Variants in NIBAN2 observed in about 807,000 individuals in gnomAD.
NIBAN2 encodes the protein protein Niban 2.
In NIBAN2, 36 loss-of-function variants were observed where a neutral mutation model predicts 81.8. That is an observed-to-expected ratio of 0.44 (90% confidence interval 0.34 to 0.58). The LOEUF is 0.58. Ranked by LOEUF, NIBAN2 falls within the 20% of genes least tolerant of loss-of-function variation. The pLI is 0.02. For synonymous variants in NIBAN2, 445 were observed against 441.6 expected, an observed-to-expected ratio of 1.01 and a Z score of -0.10; for missense variants, 897 against 1,014.1, an observed-to-expected ratio of 0.88 and a Z score of 1.57.
At chr9:127,516,784 A>G in intron 8 of NIBAN2, 73 bp downstream of exon 8, 9 of 1,448,188 alleles carry the variant, frequency 6.2e-6, no homozygotes, top group Non-Finnish European at 8.5e-6. Flanking sequence ...TGAAATTTAC[A>G]TGAATCATGA....
At chr9:127,525,246 T>C (rs1837040887) in intron 3 of NIBAN2, 83 bp from the exon 4 acceptor site, 1 of 989,680 alleles carries the variant, frequency 1.0e-6, no homozygotes, top group Non-Finnish European at 1.6e-6. Flanking sequence ...CCCTACTCAG[T>C]GTGGCCCAAA....
At chr9:127,531,624 C>A (rs772516414) in intron 2 of NIBAN2, 24 bp downstream of exon 2, 1 of 1,607,956 alleles carries the variant, frequency 6.2e-7, no homozygotes. Flanking sequence ...CAGAACATAC[C>A]CGAGCCCTCC....
chr9:127,542,471 C>T (rs909099596), intron 1 of NIBAN2, among the ~76,000 whole-genome samples: 4 of 152,224 alleles, frequency 2.6e-5, no homozygotes, highest in South Asian at 2.1e-4. Context: ...AAGTGCCAAT[C>T]TCAGGCCAGA....
chr9:127,519,026 T>C (rs1462671467), intron 5 of NIBAN2, among the ~76,000 whole-genome samples: 9 of 151,702 alleles, frequency 5.9e-5, no homozygotes, highest in Admixed American at 5.3e-4. Context: ...AATACAAAAA[T>C]TAGCTGGGCA....
Position 127,506,410 on chromosome 9 carries a change from A to T in NIBAN2, c.*435T>A, listed in dbSNP as rs1474845184. ...GAAGGAGCAGGGCCAGGAGGGCAGC[A>T]GTGCTCCCTCTCCCGGTCCTGGCCC... On this transcript the variant is annotated 3_prime_UTR_variant, in exon 14 of 14. Coordinates refer to ENST00000373312, the MANE Select transcript of NIBAN2 (RefSeq NM_022833.4). 1 of 157,542 alleles carries T rather than the reference A, an allele frequency of 6.3e-6. No individual in the cohort carries two copies. The highest frequency in any genetic ancestry group is 1.4e-5 in the Non-Finnish European group (1 of 71,896). 9.8% of individuals were successfully genotyped at this position (157,542 alleles called of 1,614,324 possible).
In NIBAN2 at chr9:127,533,839, A is replaced by G. The variant is rs939783594; in HGVS notation, c.56-2061T>C. 3.9e-5 allele frequency among the ~76,000 whole-genome samples: 6 copies of G among 152,244 alleles called. No homozygotes were observed. In the South Asian group the frequency reaches 1.2e-3, roughly 31 times the overall value. ...TTATTTTATAATCATGATTCCTTTC[A>G]TAATAAAAAATAAACATTCTAAAAT... On this transcript the variant is annotated intron_variant, in intron 1 of 13. Coordinates refer to ENST00000373312, the MANE Select transcript of NIBAN2 (RefSeq NM_022833.4).
upstream of NIBAN2, among the ~76,000 whole-genome samples, chr9:127,570,628 G>A (rs1837936155): frequency 6.6e-6 from 1 of 152,240 alleles, no homozygotes; most frequent in Non-Finnish European, 1.5e-5. Context: ...GCTTGAGGAA[G>A]GAGCAGAACA....
Position 127,525,076 on chromosome 9 carries a change from T to C in NIBAN2, c.403A>G (p.Ile135Val). The stretch of plus-strand genomic sequence containing the variant: ...CCTTTACCTGGTAAGGAGTTGCCAA[T>C]GAGCTCCAGGTATTGGTCCACGGAC... The part of the protein sequence containing the change: ...LTSVDQYLEL[I>V]GNSLPGTTAK... Residue 135 changes from isoleucine (I) to valine (V), a missense_variant, in exon 4 of 14, where the codon ATT becomes GTT. Physicochemically the swap from Ile to Val is conservative, Grantham distance 29 (BLOSUM62 3). Coordinates refer to ENST00000373312, the MANE Select transcript of NIBAN2 (RefSeq NM_022833.4). 1 of 1,613,906 alleles carries C rather than the reference T, an allele frequency of 6.2e-7. No individual in the cohort carries two copies. Among genetic ancestry groups the C allele is most frequent in the Non-Finnish European group, 8.5e-7 (1 of 1,179,776 alleles).
chr9:127,515,656 G>A (rs1025787812), intron 8 of NIBAN2, among the ~76,000 whole-genome samples: 2 of 151,960 alleles, frequency 1.3e-5, no homozygotes, highest in Non-Finnish European at 2.9e-5. Context: ...GGCCAACATG[G>A]CAAAACCCTG....
In NIBAN2 at chr9:127,566,582, T is replaced by C. The variant is rs898972893; in HGVS notation, c.55+2238A>G. 2.4e-4 allele frequency among the ~76,000 whole-genome samples: 36 copies of C among 152,244 alleles called. 1 individual carries two copies. The highest frequency in any genetic ancestry group is 4.9e-4 in the Non-Finnish European group (33 of 67,992). ...GGCTGGCATTCACCTGCTCACCTGC[T>C]TGGGGCGGGCACAAAGCTGCAGGTC... is the stretch of plus-strand genomic sequence containing the variant. On this transcript the variant is annotated intron_variant, in intron 1 of 13. Coordinates refer to ENST00000373312, the MANE Select transcript of NIBAN2 (RefSeq NM_022833.4).
chr9:127,540,036 G>A (rs1227015173), intron 1 of NIBAN2, among the ~76,000 whole-genome samples: 1 of 152,194 alleles, frequency 6.6e-6, no homozygotes, highest in East Asian at 1.9e-4. Context: ...TCACCAATGG[G>A]GGCTCCTAAG....
upstream of NIBAN2, among the ~76,000 whole-genome samples, chr9:127,572,209 TCA>T (rs903564777): frequency 9.9e-5 from 15 of 152,242 alleles, no homozygotes; most frequent in African/African-American, 3.6e-4. Flanking sequence ...AGATGGGATC[TCA>T]CCATGCTGCC....
intron 2 of NIBAN2, among the ~76,000 whole-genome samples, chr9:127,528,329 T>C (rs1837115957): frequency 6.6e-6 from 1 of 152,196 alleles, no homozygotes; most frequent in Non-Finnish European, 1.5e-5. Context: ...GGAAGAGGCT[T>C]CGTCTTGGAT....
Position 127,508,246 on chromosome 9 carries a change from A to G in NIBAN2, c.1435-46T>C, listed in dbSNP as rs1435971105. ...GGGGGTCTGCAGGTCAGTGGGCTCC[A>G]TTGGCCCTGAGGGTAGGACGAGGCC... On this transcript the variant is annotated intron_variant, in intron 11 of 13. Transcript: ENST00000373312. The surrounding 1 kb of genome is among the most constrained non-coding windows in gnomAD (Gnocchi z 6.4). 6.6e-7 allele frequency: 1 copy of G among 1,519,070 alleles called. No homozygotes were observed. The highest frequency in any genetic ancestry group is 9.1e-7 in the Non-Finnish European group (1 of 1,097,988). The allele number at this position is 1,519,070 out of a possible 1,614,324, so 94.1% of individuals were successfully genotyped here. A position where few individuals can be genotyped will look rare whatever the true frequency, so the allele number is the denominator to read the frequency against.
At position 127,507,184 on chromosome 9, in the gene NIBAN2, G is replaced by C; in HGVS notation, c.1902C>G (p.Pro634=). 1 of 1,612,874 alleles carries C rather than the reference G, an allele frequency of 6.2e-7. No individual in the cohort carries two copies. The highest frequency in any genetic ancestry group is 8.5e-7 in the Non-Finnish European group (1 of 1,179,764). ...GTGGTGACTCAGGGCTAGCCTCAAA[G>C]GGCAGCCCCACCTCCTCATCCTGGA... The part of the protein sequence containing the change: ...SVVQDEEVGL[P]FEASPESPPP... The change falls in exon 14 of 14, where the codon CCC becomes CCG. Residue 634 remains proline, a synonymous_variant. Coordinates refer to ENST00000373312, the MANE Select transcript of NIBAN2 (RefSeq NM_022833.4). This position sits in a 1 kb window ranked among gnomAD's most constrained non-coding sequence, Gnocchi z 6.8.
intron 1 of NIBAN2, among the ~76,000 whole-genome samples, chr9:127,577,713 T>C (rs1248900251): frequency 6.6e-6 from 1 of 152,156 alleles, no homozygotes; most frequent in African/African-American, 2.4e-5. Context: ...TATATCTTTT[T>C]GTTTGTTTGT....
intron 1 of NIBAN2, among the ~76,000 whole-genome samples, chr9:127,562,043 G>T (rs551969959): frequency 6.6e-6 from 1 of 152,184 alleles, no homozygotes; most frequent in African/African-American, 2.4e-5. Context: ...AGCTCTGCCC[G>T]CGGGGAAGGA....
intron 1 of NIBAN2, among the ~76,000 whole-genome samples, chr9:127,555,038 C>T (rs1204017529): frequency 6.6e-6 from 1 of 152,218 alleles, no homozygotes; most frequent in African/African-American, 2.4e-5. Flanking sequence ...TGGTGAATTT[C>T]TTTCCTTATT....
Position 127,510,040 on chromosome 9 carries a change from C to T in NIBAN2, c.1161+106G>A, listed in dbSNP as rs72767960. The T allele has an allele frequency of 8.6e-3, 9,257 of 1,075,388 alleles. 52 individuals are homozygous for T. The highest frequency in any genetic ancestry group is 0.011 in the Non-Finnish European group (8,209 of 750,902). The allele number at this position is 1,075,388 out of a possible 1,614,324, so 66.6% of individuals were successfully genotyped here. On this transcript the variant is annotated intron_variant, in intron 9 of 13. Transcript: ENST00000373312. ...AGCAGCCCCTCCCCGTCTACAGGGA[C>T]GGCCTTGGAGGGGAACGGCTGCCCG...
Sources: gnomAD v4.1 joint callset for allele counts (sites outside exome capture counted in the v4.1 genomes callset) on GRCh38, gnomAD v4.1.1 for gene constraint, Gnocchi (gnomAD v3.1) non-coding constraint, MANE v1.5 for transcripts, NCBI Gene and HGNC (gene_info 2026-07-23, HGNC 2026-07-21) for gene names.